SLC25A21: variants seen among roughly 807,000 people sequenced by gnomAD.
SLC25A21 encodes the protein mitochondrial 2-oxodicarboxylate carrier.
Under a neutral mutation model 43.8 loss-of-function variants are expected in SLC25A21, and 47 were observed. The observed-to-expected ratio is 1.07, with a 90% CI of 0.85 to 1.37. SLC25A21 has a LOEUF of 1.37. SLC25A21 is among the 40% of genes most tolerant of loss of function. The pLI is 0.00. For missense variants in SLC25A21, 352 were observed against 350.2 expected (o/e 1.00, Z -0.04); for synonymous variants, 131 against 121.3 (o/e 1.08, Z -0.52).
intron 1 of SLC25A21, among the ~76,000 whole-genome samples, chr14:36,999,822 G>C (rs914399265): frequency 3.3e-5 from 5 of 152,128 alleles, no homozygotes; most frequent in African/African-American, 1.2e-4. Context: ...AGGCTCACAA[G>C]GGGAGTGAGC....
intron 1 of SLC25A21, among the ~76,000 whole-genome samples, chr14:37,085,870 C>A (rs551746965): frequency 1.3e-5 from 2 of 152,274 alleles, no homozygotes; most frequent in Admixed American, 1.3e-4. Flanking sequence ...CTTTGGCAGG[C>A]CGAGGCAGGC....
intron 6 of SLC25A21, among the ~76,000 whole-genome samples, chr14:36,724,074 C>G (rs1308868309): frequency 2.0e-5 from 3 of 152,186 alleles, no homozygotes; most frequent in African/African-American, 4.8e-5. Context: ...AAAAATGTTT[C>G]TTTTCCCCTC....
intron 3 of SLC25A21, among the ~76,000 whole-genome samples, chr14:36,744,047 A>C (rs1055211551): frequency 6.6e-6 from 1 of 152,154 alleles, no homozygotes; most frequent in Non-Finnish European, 1.5e-5. Flanking sequence ...GATGACACAA[A>C]CAAGTGGGAA....
chr14:36,894,237 CT>C (rs1292970090), intron 1 of SLC25A21, among the ~76,000 whole-genome samples: 2 of 152,084 alleles, frequency 1.3e-5, no homozygotes, highest in African/African-American at 4.8e-5. Context: ...TGTAGTTCTC[CT>C]TGAGGAGGTC....
chr14:37,151,298 C>A, intron 1 of SLC25A21, among the ~76,000 whole-genome samples: 1 of 152,210 alleles, frequency 6.6e-6, no homozygotes, highest in East Asian at 1.9e-4. Flanking sequence ...TAGTTGTGTG[C>A]GAATTCAGTT....
At chr14:37,069,180 G>GAA (rs879596904) in intron 1 of SLC25A21, among the ~76,000 whole-genome samples, 1 of 141,010 alleles carries the variant, frequency 7.1e-6, no homozygotes, top group Non-Finnish European at 1.6e-5. Flanking sequence ...CCATCTCAAA[G>GAA]AAAAAAAAAA....
intron 1 of SLC25A21, among the ~76,000 whole-genome samples, chr14:37,150,355 A>G (rs1963737513): frequency 1.3e-5 from 2 of 152,224 alleles, no homozygotes; most frequent in African/African-American, 2.4e-5. Context: ...TTCAAATTTT[A>G]CGGCAAGAAC....
intron 3 of SLC25A21, among the ~76,000 whole-genome samples, chr14:36,736,656 A>T (rs1885053991): frequency 1.3e-5 from 2 of 152,220 alleles, no homozygotes; most frequent in South Asian, 4.1e-4. Flanking sequence ...CACTTAAATA[A>T]GTAAAGCTTT....
rs535975214 is a variant in SLC25A21 at position 37,126,836 on chromosome 14, A to T, written c.70+45445T>A. ...TTTTAGTTTCCCTTGCACTTAAAAC[A>T]CTTAGGTCAATGGTTCATTTTTTAT... On this transcript the variant is annotated intron_variant, in intron 1 of 9. Transcript: ENST00000331299. Among the ~76,000 whole-genome samples the T allele has an allele frequency of 1.7e-4, 26 of 152,254 alleles. No homozygotes were observed. In the South Asian group the frequency reaches 5.0e-3, roughly 29 times the overall value.
chr14:36,840,397 C>CA, intron 2 of SLC25A21, among the ~76,000 whole-genome samples: 1 of 152,152 alleles, frequency 6.6e-6, no homozygotes, highest in East Asian at 1.9e-4. Context: ...GTTTCTGCAG[C>CA]AAAATAACTG....
At chr14:36,698,936 C>G (rs1186333733) in intron 7 of SLC25A21, among the ~76,000 whole-genome samples, 2 of 152,172 alleles carry the variant, frequency 1.3e-5, no homozygotes, top group African/African-American at 4.8e-5. Context: ...TCGTCAAACT[C>G]ATTCTCCGTT....
intron 3 of SLC25A21, among the ~76,000 whole-genome samples, chr14:36,791,793 A>G (rs1186559859): frequency 6.6e-6 from 1 of 152,200 alleles, no homozygotes; most frequent in African/African-American, 2.4e-5. Flanking sequence ...CCTGGTGAGA[A>G]AATGATGTGA....
At chr14:36,874,389 C>T (rs1489560782) in intron 2 of SLC25A21, among the ~76,000 whole-genome samples, 1 of 152,168 alleles carries the variant, frequency 6.6e-6, no homozygotes, top group Non-Finnish European at 1.5e-5. Context: ...CATATTATAC[C>T]CCACAAAGTT....
intron 1 of SLC25A21, among the ~76,000 whole-genome samples, chr14:37,036,520 G>A (rs1961330989): frequency 6.6e-6 from 1 of 152,210 alleles, no homozygotes; most frequent in Non-Finnish European, 1.5e-5. Context: ...GGCCGAGACA[G>A]GGTAGCTTGA....
chr14:36,736,094 C>A (rs1383743057), intron 3 of SLC25A21, among the ~76,000 whole-genome samples: 1 of 151,756 alleles, frequency 6.6e-6, no homozygotes, highest in African/African-American at 2.4e-5. Flanking sequence ...CGCCACCACG[C>A]CCGGCTAATT....
At chr14:36,772,930 C>T (rs1200971389) in intron 3 of SLC25A21, among the ~76,000 whole-genome samples, 5 of 152,026 alleles carry the variant, frequency 3.3e-5, no homozygotes, top group African/African-American at 9.7e-5. Flanking sequence ...ATGAACATAC[C>T]GATTGCCTAT....
intron 4 of SLC25A21, among the ~76,000 whole-genome samples, chr14:36,732,784 A>G (rs1884882265): frequency 6.6e-6 from 1 of 152,212 alleles, no homozygotes; most frequent in South Asian, 2.1e-4. Flanking sequence ...CTATAAAATG[A>G]ATGTTTTCAT....
chr14:36,785,228 C>A (rs549295296), intron 3 of SLC25A21, among the ~76,000 whole-genome samples: 1 of 152,298 alleles, frequency 6.6e-6, no homozygotes, highest in East Asian at 1.9e-4. Context: ...GCAAAGTGAA[C>A]CACATGCTCT....
chr14:37,039,825 T>G (rs958619602), intron 1 of SLC25A21, among the ~76,000 whole-genome samples: 1 of 152,098 alleles, frequency 6.6e-6, no homozygotes, highest in Non-Finnish European at 1.5e-5. Flanking sequence ...TCACGGAGGT[T>G]TGGGAGCCTT....
Sources: allele counts gnomAD v4.1 joint callset (sites outside exome capture counted in the v4.1 genomes callset), GRCh38; gene constraint gnomAD v4.1.1; transcripts MANE v1.5; gene names NCBI Gene and HGNC (gene_info 2026-07-23, HGNC 2026-07-21).